ROBO1: variants seen among roughly 807,000 people sequenced by gnomAD.
The protein encoded by ROBO1 is roundabout homolog 1.
A neutral mutation model predicts 195.9 loss-of-function variants in ROBO1; 149 were observed. The observed-to-expected ratio is 0.76, with a 90% CI of 0.67 to 0.87. ROBO1 has a LOEUF of 0.87. ROBO1 is among the 40% of genes least tolerant of loss of function. ROBO1 has a pLI of 0.00. For missense variants in ROBO1, 1,933 were observed against 2,068.3 expected, an observed-to-expected ratio of 0.93 and a Z score of 1.27; for synonymous variants, 816 against 733.2, an observed-to-expected ratio of 1.11 and a Z score of -1.82.
intron 3 of ROBO1, among the ~76,000 whole-genome samples, chr3:79,061,660 C>T (rs1467292368): frequency 6.6e-6 from 1 of 152,024 alleles, no homozygotes; most frequent in Non-Finnish European, 1.5e-5. Context: ...GATATATAGA[C>T]CAATGGAACA....
intron 1 of ROBO1, among the ~76,000 whole-genome samples, chr3:79,707,513 A>T: frequency 6.6e-6 from 1 of 152,092 alleles, no homozygotes; most frequent in Non-Finnish European, 1.5e-5. Context: ...ATATTTTAAA[A>T]ATAATTTGTT....
Position 78,989,685 on chromosome 3 carries a change from G to A in ROBO1, c.173-50758C>T, listed in dbSNP as rs530795779. On this transcript the variant is annotated intron_variant, in intron 3 of 30. Transcript: ENST00000464233. ...GAGGAATACAGCTTTCTTTGTCTAG[G>A]ATATAACATTGAGTTTTCTCAGTGG... Among the ~76,000 whole-genome samples the A allele has an allele frequency of 1.2e-3, 177 of 152,168 alleles. 4 individuals carry two copies. The South Asian group carries it at 0.035, about 30-fold the overall frequency.
intron 2 of ROBO1, among the ~76,000 whole-genome samples, chr3:79,560,931 C>G (rs1282623686): frequency 6.6e-6 from 1 of 152,138 alleles, no homozygotes; most frequent in Non-Finnish European, 1.5e-5. Context: ...GTGCCCCCAA[C>G]TGCATTTATC....
intron 4 of ROBO1, among the ~76,000 whole-genome samples, chr3:78,834,405 T>G (rs2032512990): frequency 6.7e-6 from 1 of 149,948 alleles, no homozygotes; most frequent in Non-Finnish European, 1.5e-5. Context: ...AAGAATAACT[T>G]GATGGTGCGG....
intron 2 of ROBO1, among the ~76,000 whole-genome samples, chr3:79,250,565 G>T (rs892717886): frequency 1.1e-4 from 17 of 151,646 alleles, no homozygotes; most frequent in Non-Finnish European, 2.2e-4. Flanking sequence ...AATGTGTGTG[G>T]GGGGGGTTCT....
chr3:79,165,829 A>T (rs1041674708), intron 2 of ROBO1, among the ~76,000 whole-genome samples: 1 of 152,230 alleles, frequency 6.6e-6, no homozygotes, highest in East Asian at 1.9e-4. Context: ...TGCTGGGAAG[A>T]TATTTTATTG....
intron 3 of ROBO1, among the ~76,000 whole-genome samples, chr3:79,085,489 T>G (rs1023540689): frequency 2.6e-5 from 4 of 152,150 alleles, no homozygotes; most frequent in Non-Finnish European, 2.9e-5. Flanking sequence ...AAAGGGCGGA[T>G]AGGCAAGGTT....
chr3:78,674,525 T>G (rs2107743124), intron 10 of ROBO1, among the ~76,000 whole-genome samples: 1 of 152,254 alleles, frequency 6.6e-6, no homozygotes, highest in African/African-American at 2.4e-5. Flanking sequence ...CAAACAAAAC[T>G]TAAAAAACAG....
At chr3:79,626,785 A>G (rs1945193339) in intron 1 of ROBO1, among the ~76,000 whole-genome samples, 4 of 152,154 alleles carry the variant, frequency 2.6e-5, no homozygotes, top group African/African-American at 9.7e-5. Context: ...TCAAACTAAT[A>G]AAAGCAACTT....
At chr3:79,621,321 A>G (rs929222003) in intron 1 of ROBO1, among the ~76,000 whole-genome samples, 1 of 151,720 alleles carries the variant, frequency 6.6e-6, no homozygotes, top group Non-Finnish European at 1.5e-5. Flanking sequence ...AAACTGCCCC[A>G]CCCCTATCTC....
intron 2 of ROBO1, among the ~76,000 whole-genome samples, chr3:79,232,147 C>T (rs2082331206): frequency 6.6e-6 from 1 of 151,348 alleles, no homozygotes; most frequent in African/African-American, 2.4e-5. Context: ...ACATCAAATC[C>T]CCTTGACACA....
intron 1 of ROBO1, among the ~76,000 whole-genome samples, chr3:79,651,435 T>C (rs1459420623): frequency 6.6e-6 from 1 of 152,146 alleles, no homozygotes; most frequent in Admixed American, 6.6e-5. Context: ...AAAGCACCTA[T>C]AACTAAAATT....
chr3:78,696,699 TAC>T (rs1361861166), intron 8 of ROBO1, among the ~76,000 whole-genome samples: 2 of 147,730 alleles, frequency 1.4e-5, no homozygotes, highest in African/African-American at 2.5e-5. Context: ...CATATATATA[TAC>T]ACATATATAT....
At chr3:78,603,801 G>C (rs1703313824) in intron 29 of ROBO1, among the ~76,000 whole-genome samples, 1 of 152,082 alleles carries the variant, frequency 6.6e-6, no homozygotes, top group African/African-American at 2.4e-5. Context: ...TGGAAAAGCA[G>C]AGCATATAAA....
At chr3:79,128,716 G>T (rs1259127850) in intron 2 of ROBO1, among the ~76,000 whole-genome samples, 3 of 152,138 alleles carry the variant, frequency 2.0e-5, no homozygotes, top group Non-Finnish European at 2.9e-5. Context: ...AATCTTCGAT[G>T]AGACGTATAC....
chr3:79,726,448 C>T (rs911982029), intron 1 of ROBO1, among the ~76,000 whole-genome samples: 2 of 152,094 alleles, frequency 1.3e-5, no homozygotes, highest in African/African-American at 4.8e-5. Context: ...ATTATAATGT[C>T]TGACATATAT....
chr3:78,778,263 G>T (rs954776936), intron 4 of ROBO1, among the ~76,000 whole-genome samples: 1 of 152,114 alleles, frequency 6.6e-6, no homozygotes, highest in Non-Finnish European at 1.5e-5. Flanking sequence ...TTTTCGCATC[G>T]ATGTTCCTCA....
intron 2 of ROBO1, among the ~76,000 whole-genome samples, chr3:79,358,556 T>C (rs1248857161): frequency 6.6e-6 from 1 of 152,090 alleles, no homozygotes; most frequent in Non-Finnish European, 1.5e-5. Flanking sequence ...CTTGTAAATC[T>C]GTCTTGAGAT....
intron 2 of ROBO1, among the ~76,000 whole-genome samples, chr3:79,376,999 T>C (rs1176413166): frequency 6.6e-6 from 1 of 152,094 alleles, no homozygotes; most frequent in Non-Finnish European, 1.5e-5. Flanking sequence ...AATAAAAATA[T>C]ATAATTAGAT....
Sources: allele counts gnomAD v4.1 joint callset (sites outside exome capture counted in the v4.1 genomes callset), GRCh38; gene constraint gnomAD v4.1.1; transcripts MANE v1.5; gene names NCBI Gene and HGNC (gene_info 2026-07-23, HGNC 2026-07-21).